The following C1QTNF3 variants were observed in gnomAD, a reference collection of about 807,000 sequenced individuals.
C1QTNF3 encodes the protein C1q and TNF related 3.
C1QTNF3 carries 26 observed loss-of-function variants against 32.6 expected under a neutral mutation model. That is an observed-to-expected ratio of 0.80 (90% CI 0.58 to 1.11). C1QTNF3 has a LOEUF of 1.11. Ranked by LOEUF, C1QTNF3 falls within the 50% of genes least tolerant of loss-of-function variation. The pLI is 0.00. For missense variants in C1QTNF3, 362 were observed against 398.2 expected, an observed-to-expected ratio of 0.91 and a Z score of 0.77; for synonymous variants, 155 against 146.0, an observed-to-expected ratio of 1.06 and a Z score of -0.44.
chr5:34,177,637 C>T, the C1QTNF3 span, among the ~76,000 whole-genome samples: 1 of 151,942 alleles, frequency 6.6e-6, no homozygotes, highest in South Asian at 2.1e-4. Flanking sequence ...CAGGTACATG[C>T]CACCACACCC....
intron 3 of C1QTNF3, 66 bp downstream of exon 3, chr5:34,033,238 G>C: frequency 6.4e-7 from 1 of 1,556,600 alleles, no homozygotes; most frequent in Non-Finnish European, 8.7e-7. Context: ...CGAACATCCT[G>C]ATTCCTGGCC....
Position 34,020,838 on chromosome 5 carries a change from A to G in C1QTNF3, c.801-96T>C, listed in dbSNP as rs1004494963. 2.3e-6 allele frequency: 3 copies of G among 1,294,052 alleles called. No individual in the cohort carries two copies. The African/African-American group carries it at 4.4e-5, about 19-fold the overall frequency. 80.2% of individuals were successfully genotyped at this position (1,294,052 alleles called of 1,614,324 possible). ...CTCCCCTTCTCTCCTTCCCACAGGT[A>G]TAATCCTGCGGCTAAGTTCTCTAAA... On this transcript the variant is annotated intron_variant, in intron 5 of 5. Transcript: ENST00000382065.
At chr5:34,205,379 A>G in the C1QTNF3 span, among the ~76,000 whole-genome samples, 5 of 152,328 alleles carry the variant, frequency 3.3e-5, 1 homozygote, top group African/African-American at 7.2e-5. Flanking sequence ...CTCTTGTCCA[A>G]TTGTAATCGC....
chr5:34,237,278 C>A, the C1QTNF3 span, among the ~76,000 whole-genome samples: 1 of 152,164 alleles, frequency 6.6e-6, no homozygotes, highest in Non-Finnish European at 1.5e-5. Context: ...AATTTTCACA[C>A]GTAACACCCT....
chr5:34,036,509 T>C (rs572615033), intron 1 of C1QTNF3, among the ~76,000 whole-genome samples: 1 of 152,322 alleles, frequency 6.6e-6, no homozygotes, highest in African/African-American at 2.4e-5. Flanking sequence ...TAAAATCTAC[T>C]CCTAACAATT....
the C1QTNF3 span, among the ~76,000 whole-genome samples, chr5:34,135,443 T>C: frequency 7.2e-5 from 11 of 152,250 alleles, no homozygotes; most frequent in African/African-American, 2.4e-4. Context: ...TAAAATGAGC[T>C]AGGGAGGATT....
At chr5:34,137,982 T>A in the C1QTNF3 span, among the ~76,000 whole-genome samples, 1 of 152,200 alleles carries the variant, frequency 6.6e-6, no homozygotes, top group Non-Finnish European at 1.5e-5. Context: ...TGAGTTCTAA[T>A]CCAATATATC....
At chr5:34,063,840 G>A in the C1QTNF3 span, among the ~76,000 whole-genome samples, 1 of 152,172 alleles carries the variant, frequency 6.6e-6, no homozygotes, top group African/African-American at 2.4e-5. Flanking sequence ...AGTAGGTTCA[G>A]AGGTAAGGAG....
chr5:34,241,955 A>AAGGAAGGAC, the C1QTNF3 span, among the ~76,000 whole-genome samples: 1 of 28,164 alleles, frequency 3.6e-5, no homozygotes, highest in African/African-American at 1.2e-4. Flanking sequence ...GAGGGAGGGA[A>AAGGAAGGAC]GGAAGGAAGG....
the C1QTNF3 span, among the ~76,000 whole-genome samples, chr5:34,148,287 C>T: frequency 7.4e-6 from 1 of 135,174 alleles, no homozygotes; most frequent in Non-Finnish European, 1.6e-5. Context: ...GGAGGGGCGC[C>T]CGCCATTGCC....
the C1QTNF3 span, among the ~76,000 whole-genome samples, chr5:34,076,114 G>A: frequency 1.3e-5 from 2 of 151,524 alleles, no homozygotes; most frequent in African/African-American, 2.4e-5. Context: ...GTCAGTGACC[G>A]TATGCAGTAG....
At chr5:34,226,446 A>G in the C1QTNF3 span, among the ~76,000 whole-genome samples, 1 of 152,002 alleles carries the variant, frequency 6.6e-6, no homozygotes, top group Non-Finnish European at 1.5e-5. Flanking sequence ...AACTATCTAC[A>G]AAATGCTTTT....
At position 34,019,001 on chromosome 5, in the gene C1QTNF3, G is replaced by A. The variant is rs1290673459; in HGVS notation, c.*1582C>T. On this transcript the variant is annotated 3_prime_UTR_variant, in exon 6 of 6. Coordinates refer to ENST00000382065, the MANE Select transcript of C1QTNF3 (RefSeq NM_181435.6). ...AAATTAGCTGGTCCTGGTGGTGGGC[G>A]CCTGTAGTCCCAGCTACTCAGGAGG... Among the ~76,000 whole-genome samples, 2 of 152,022 alleles carry A rather than the reference G, an allele frequency of 1.3e-5. No homozygotes were observed. The highest frequency in any genetic ancestry group is 2.4e-5 in the African/African-American group (1 of 41,398).
At chr5:34,167,817 C>T in the C1QTNF3 span, 1 of 151,954 alleles carries the variant, frequency 6.6e-6, no homozygotes, top group South Asian at 2.1e-4. Context: ...TGTTGTTTTC[C>T]TTTAGTTTTC....
the C1QTNF3 span, among the ~76,000 whole-genome samples, chr5:34,121,061 C>A: frequency 6.6e-6 from 1 of 152,158 alleles, no homozygotes; most frequent in Non-Finnish European, 1.5e-5. Context: ...TCCATATTTT[C>A]TTTAATGATT....
chr5:34,029,965 C>T (rs146805114), intron 3 of C1QTNF3, among the ~76,000 whole-genome samples: 2 of 152,202 alleles, frequency 1.3e-5, no homozygotes. Flanking sequence ...CATCTCTTGG[C>T]ATGTTTTATT....
the C1QTNF3 span, among the ~76,000 whole-genome samples, chr5:34,222,880 G>A: frequency 6.6e-6 from 1 of 151,794 alleles, no homozygotes; most frequent in Non-Finnish European, 1.5e-5. Flanking sequence ...TTTCGGGAAT[G>A]GAGTCTCATT....
the C1QTNF3 span, among the ~76,000 whole-genome samples, chr5:34,053,676 G>A: frequency 6.6e-6 from 1 of 152,206 alleles, no homozygotes; most frequent in Non-Finnish European, 1.5e-5. Flanking sequence ...AGCAGAGCCA[G>A]CTGCAGCCCA....
At chr5:34,157,642 A>G in the C1QTNF3 span, among the ~76,000 whole-genome samples, 1 of 152,228 alleles carries the variant, frequency 6.6e-6, no homozygotes, top group Admixed American at 6.5e-5. Context: ...TGACTATAGA[A>G]GAATGATCAG....
Sources: gnomAD v4.1 joint callset for allele counts (sites outside exome capture counted in the v4.1 genomes callset) on GRCh38, gnomAD v4.1.1 for gene constraint, MANE v1.5 for transcripts, NCBI Gene and HGNC (gene_info 2026-07-23, HGNC 2026-07-21) for gene names.